The following ZNF311 variants were observed in gnomAD, a reference collection of about 807,000 sequenced individuals.
ZNF311 encodes the protein zinc finger protein zfp31.
In ZNF311, 14 loss-of-function variants were observed where a neutral mutation model predicts 22.7. The ratio of observed to expected loss-of-function variants is 0.62; its 90% CI spans 0.41 to 0.96. The LOEUF (loss-of-function observed/expected upper bound fraction) is 0.96. Among genes scored for constraint, ZNF311 ranks in the 40% least tolerant of loss-of-function variants. ZNF311 has a pLI of 0.00. For missense variants in ZNF311, 731 were observed against 799.0 expected, an observed-to-expected ratio of 0.91 and a Z score of 1.03; for synonymous variants, 250 against 275.3, an observed-to-expected ratio of 0.91 and a Z score of 0.91.
chr6:29,001,009 A>C (rs1374860723), intron 3 of ZNF311, among the ~76,000 whole-genome samples: 4 of 152,010 alleles, frequency 2.6e-5, no homozygotes, highest in African/African-American at 9.7e-5. Context: ...ATCTCCTGAC[A>C]TCATGATCCA....
Sources: gnomAD v4.1 joint callset for allele counts (sites outside exome capture counted in the v4.1 genomes callset) on GRCh38, gnomAD v4.1.1 for gene constraint, MANE v1.5 for transcripts, NCBI Gene and HGNC (gene_info 2026-07-23, HGNC 2026-07-21) for gene names.